The following AKAP12 variants were observed in gnomAD, a reference collection of about 807,000 sequenced individuals.
AKAP12 encodes the protein A-kinase anchor protein 12.
AKAP12 carries 32 observed loss-of-function variants against 79.9 expected under a neutral mutation model. The observed-to-expected ratio is 0.40, with a 90% confidence interval of 0.30 to 0.54. The LOEUF (loss-of-function observed/expected upper bound fraction) is 0.54. Among genes scored for constraint, AKAP12 ranks in the 20% least tolerant of loss-of-function variants. AKAP12 has a pLI of 0.48. For synonymous variants in AKAP12, 808 were observed against 857.0 expected (o/e 0.94, Z 1.00); for missense variants, 2,074 against 2,177.0 (o/e 0.95, Z 0.94).
chr6:151,281,872 A>C (rs1776417022), intron 2 of AKAP12, among the ~76,000 whole-genome samples: 1 of 151,480 alleles, frequency 6.6e-6, no homozygotes, highest in East Asian at 2.0e-4. Flanking sequence ...GCTAATTTTA[A>C]ATTTTGATGT....
In AKAP12 at chr6:151,280,208, T is replaced by G. The variant is rs141164461; in HGVS notation, c.163-25539T>G. Among the ~76,000 whole-genome samples, 208 of 152,256 alleles carry G rather than the reference T, an allele frequency of 1.4e-3. 3 individuals are homozygous for G. Among genetic ancestry groups the G allele is most frequent in the Admixed American group, 9.3e-3 (142 of 15,294 alleles). ...ACTCTATATTTTTAACCAGTCTCTT[T>G]ACTGATTGACATTTAAGTTGATTCT... is the stretch of plus-strand genomic sequence containing the variant. On this transcript the variant is annotated intron_variant, in intron 2 of 4. Coordinates refer to ENST00000402676, the MANE Select transcript of AKAP12 (RefSeq NM_005100.4).
At chr6:151,324,426 C>T in intron 3 of AKAP12, 1 of 985,362 alleles carries the variant, frequency 1.0e-6, no homozygotes, top group Non-Finnish European at 1.2e-6. Flanking sequence ...CCCCTGGTGC[C>T]CAAAAAGTGC....
At chr6:151,256,236 C>T (rs1006895262) in intron 2 of AKAP12, among the ~76,000 whole-genome samples, 1 of 152,110 alleles carries the variant, frequency 6.6e-6, no homozygotes, top group Non-Finnish European at 1.5e-5. Context: ...TTCCAGACTG[C>T]AGAACTTTCC....
In AKAP12 at chr6:151,350,551, CAA is replaced by C; in HGVS notation, c.2162_2163del (p.Lys721ArgfsTer15). The stretch of plus-strand genomic sequence containing the variant: ...AGAAAGCTGATGAGGCCGGAAAAGA[CAA>C]AGAGACGGGGACAGACGGGATCCTT... The part of the protein sequence containing the change: ...HQKADEAGKD[K>X]ETGTDGILAG... On this transcript the variant is annotated frameshift_variant, in exon 4 of 5. Coordinates refer to ENST00000402676, the MANE Select transcript of AKAP12 (RefSeq NM_005100.4). LOFTEE classifies it high-confidence loss of function. The surrounding 1 kb of genome is among the most constrained non-coding windows in gnomAD (Gnocchi z 4.8). 1.2e-6 allele frequency: 2 copies of C among 1,614,108 alleles called. No individual in the cohort carries two copies. The highest frequency in any genetic ancestry group is 1.1e-5 in the South Asian group (1 of 91,076).
intron 2 of AKAP12, among the ~76,000 whole-genome samples, chr6:151,291,571 G>A (rs1163342398): frequency 9.2e-5 from 14 of 152,172 alleles, no homozygotes; most frequent in African/African-American, 1.2e-4. Context: ...GGCTGGATTC[G>A]CGTCACTTAC....
intron 2 of AKAP12, among the ~76,000 whole-genome samples, chr6:151,267,535 C>A (rs1277270111): frequency 6.6e-6 from 1 of 152,146 alleles, no homozygotes; most frequent in Non-Finnish European, 1.5e-5. Context: ...GAATGCCAAA[C>A]CCTGGCCAAC....
intron 3 of AKAP12, chr6:151,323,719 A>G (rs1777457290): frequency 8.1e-6 from 8 of 985,312 alleles, no homozygotes; most frequent in Non-Finnish European, 9.6e-6. Flanking sequence ...TTTTCTTCCT[A>G]TCCAGCTCAG....
intron 1 of AKAP12, 47 bp from the exon 2 acceptor site, chr6:151,240,337 G>A (rs1041924660): frequency 4.9e-6 from 2 of 409,304 alleles, no homozygotes; most frequent in Non-Finnish European, 8.5e-6. Flanking sequence ...GGGGAGGGGG[G>A]CGGAGGCTAA....
chr6:151,248,977 ACT>A (rs1363133377), intron 2 of AKAP12, among the ~76,000 whole-genome samples: 6 of 151,212 alleles, frequency 4.0e-5, no homozygotes, highest in Non-Finnish European at 7.4e-5. Flanking sequence ...ACAGAGCAAG[ACT>A]CTGTCTCAAA....
intron 4 of AKAP12, among the ~76,000 whole-genome samples, chr6:151,354,313 C>A (rs979732357): frequency 2.2e-5 from 3 of 134,682 alleles, no homozygotes; most frequent in African/African-American, 1.0e-4. Context: ...TAATGACCGA[C>A]CCTCACTGTG....
chr6:151,251,423 A>C (rs1172232680), intron 2 of AKAP12, among the ~76,000 whole-genome samples: 7 of 152,172 alleles, frequency 4.6e-5, no homozygotes, highest in Non-Finnish European at 1.0e-4. Flanking sequence ...GTTGGCAAGC[A>C]TTTTCACAGT....
rs62441471 is a variant in AKAP12 at position 151,241,739 on chromosome 6, C to T, written c.162+1015C>T. Reference sequence around the variant, plus strand: ...ATACCTTGTAGAAAGATGTGGATAACCATGTTTAATAGTTAAATTTGCGGT... The same window carrying T: ...ATACCTTGTAGAAAGATGTGGATAATCATGTTTAATAGTTAAATTTGCGGT... On this transcript the variant is annotated intron_variant, in intron 2 of 4. Transcript: ENST00000402676. Among the ~76,000 whole-genome samples the T allele has an allele frequency of 6.5e-3, 986 of 151,194 alleles. 3 individuals are homozygous for T. The highest frequency in any genetic ancestry group is 0.011 in the Non-Finnish European group (727 of 67,912).
chr6:151,326,601 A>G (rs1385004646), intron 3 of AKAP12, among the ~76,000 whole-genome samples: 3 of 152,122 alleles, frequency 2.0e-5, no homozygotes, highest in Non-Finnish European at 4.4e-5. Flanking sequence ...CTAGCAAATA[A>G]CTTACACGCA....
rs77576853 is a variant in AKAP12, at chr6:151,266,780, A to G, written c.162+26056A>G. Among the ~76,000 whole-genome samples the G allele has an allele frequency of 1.4e-3, 214 of 152,342 alleles. 1 individual carries two copies. The highest frequency in any genetic ancestry group is 0.011 in the South Asian group (52 of 4,828). Reference sequence around the variant, plus strand: ...CCTGATCATTGTCATTCAGGGGCACAGGAGAAATTTTAGCTACTAGGAGAA... The same window carrying G: ...CCTGATCATTGTCATTCAGGGGCACGGGAGAAATTTTAGCTACTAGGAGAA... On this transcript the variant is annotated intron_variant, in intron 2 of 4. Coordinates refer to ENST00000402676, the MANE Select transcript of AKAP12 (RefSeq NM_005100.4).
chr6:151,348,682 C>CTCT, intron 3 of AKAP12, 29 bp from the exon 4 acceptor site: 1 of 198,916 alleles, frequency 5.0e-6, no homozygotes, highest in Non-Finnish European at 9.9e-6. Flanking sequence ...TTCTCTTCTC[C>CTCT]CCACCCCCCC....
rs1436223860 is a variant in AKAP12 at position 151,350,314 on chromosome 6, T to A, written c.1923T>A (p.Ala641=). The change falls in exon 4 of 5, where the codon GCT becomes GCA. Residue 641 remains alanine (A), a synonymous_variant. Transcript: ENST00000402676. The surrounding 1 kb of genome is among the most constrained non-coding windows in gnomAD (Gnocchi z 4.8). ...ATGAGCTGGACAAGGTCAAGAGCGC[T>A]ACCTTGTCTTCCACCGAGAGCACAG... ...KEDELDKVKS[A]TLSSTESTAS... 6.2e-7 allele frequency: 1 copy of A among 1,613,668 alleles called. No homozygotes were observed.
intron 3 of AKAP12, among the ~76,000 whole-genome samples, chr6:151,338,838 T>C (rs184176108): frequency 1.3e-5 from 2 of 152,332 alleles, no homozygotes; most frequent in East Asian, 1.9e-4. Flanking sequence ...CTGTCCCTTG[T>C]AGGCTGATGT....
At position 151,241,231 on chromosome 6, in the gene AKAP12, T is replaced by C. The variant is rs910480730; in HGVS notation, c.162+507T>C. On this transcript the variant is annotated intron_variant, in intron 2 of 4. Coordinates refer to ENST00000402676, the MANE Select transcript of AKAP12 (RefSeq NM_005100.4). The stretch of plus-strand genomic sequence containing the variant: ...TACCGCCCTGGATGCCAGCGGTGCC[T>C]GGAGCGAGCGGGTTTGGTACCCAGT... Among the ~76,000 whole-genome samples the C allele has an allele frequency of 3.3e-5, 5 of 152,144 alleles. No homozygotes were observed. In the East Asian group the frequency reaches 9.7e-4, roughly 29 times the overall value.
At chr6:151,254,391 G>A (rs12195695) in intron 2 of AKAP12, among the ~76,000 whole-genome samples, 92,920 of 151,318 alleles carry the variant, frequency 0.61, 29,646 homozygotes, top group East Asian at 0.97. Flanking sequence ...TCACTCTGTT[G>A]CCCAGGCTGG....
Sources: gnomAD v4.1 joint callset for allele counts (sites outside exome capture counted in the v4.1 genomes callset) on GRCh38, gnomAD v4.1.1 for gene constraint, Gnocchi (gnomAD v3.1) non-coding constraint, MANE v1.5 for transcripts, NCBI Gene and HGNC (gene_info 2026-07-23, HGNC 2026-07-21) for gene names.